Variants in DLGAP2 observed in about 807,000 individuals in gnomAD.
DLGAP2 encodes the protein DLG associated protein 2.
In DLGAP2, 26 loss-of-function variants were observed where a neutral mutation model predicts 100.3. The observed-to-expected ratio is 0.26, with a 90% CI of 0.19 to 0.36. The LOEUF is 0.36. DLGAP2 is among the 10% of genes least tolerant of loss of function. DLGAP2 has a pLI of 1.00. For missense variants in DLGAP2, 1,858 were observed against 1,453.2 expected (o/e 1.28, Z -4.53); for synonymous variants, 886 against 630.1 (o/e 1.41, Z -6.08).
In DLGAP2 at chr8:1,012,265, C is replaced by G. The variant is rs900367898; in HGVS notation, c.73+104299C>G. ...TGACAGGCTTAAATCCCCATCCCTT[C>G]GCTCTTCCTGTAGTCCTGTCTGTTG... On this transcript the variant is annotated intron_variant, in intron 2 of 14. Coordinates refer to ENST00000637795, the MANE Select transcript of DLGAP2 (RefSeq NM_001346810.2). Among the ~76,000 whole-genome samples, 7 of 152,354 alleles carry G rather than the reference C, an allele frequency of 4.6e-5. No homozygotes were observed. In the South Asian group the frequency reaches 1.0e-3, roughly 23 times the overall value.
intron 2 of DLGAP2, among the ~76,000 whole-genome samples, chr8:1,060,425 G>GTGGATAGATACCCT (rs1803044962): frequency 6.6e-6 from 1 of 151,674 alleles, no homozygotes; most frequent in African/African-American, 2.4e-5. Flanking sequence ...CTGTGTCCTT[G>GTGGATAGATACCCT]CTGTGTCCTT....
chr8:1,626,097 G>GAT (rs1797488116), intron 6 of DLGAP2, among the ~76,000 whole-genome samples: 1 of 145,386 alleles, frequency 6.9e-6, no homozygotes, highest in Admixed American at 6.8e-5. Context: ...TCAGCCTCTG[G>GAT]GTGTGGGTTG....
intron 2 of DLGAP2, among the ~76,000 whole-genome samples, chr8:1,206,895 GC>G (rs1421561308): frequency 6.6e-6 from 1 of 152,030 alleles, no homozygotes; most frequent in African/African-American, 2.4e-5. Context: ...TCCCCGGTCT[GC>G]CCCCGGCCCC....
At chr8:1,230,264 A>G (rs901823337) in intron 2 of DLGAP2, among the ~76,000 whole-genome samples, 1 of 152,226 alleles carries the variant, frequency 6.6e-6, no homozygotes. Context: ...CCTATTCTTA[A>G]TAGCTACAAA....
intron 3 of DLGAP2, among the ~76,000 whole-genome samples, chr8:1,323,456 G>A (rs1262600620): frequency 1.3e-5 from 2 of 152,214 alleles, no homozygotes; most frequent in South Asian, 4.1e-4. Context: ...GACAACCATG[G>A]CAAGGGAGCT....
chr8:1,302,334 C>T (rs1008088001), intron 3 of DLGAP2: 3 of 108,116 alleles, frequency 2.8e-5, no homozygotes, highest in Non-Finnish European at 3.5e-5. Flanking sequence ...CTGCTCCACA[C>T]CTGGGACCGG....
chr8:1,576,402 C>T (rs1248463661), intron 6 of DLGAP2, among the ~76,000 whole-genome samples: 1 of 151,948 alleles, frequency 6.6e-6, no homozygotes, highest in Admixed American at 6.6e-5. Context: ...CAAAAATTTT[C>T]TCCCATTCTG....
intron 1 of DLGAP2, among the ~76,000 whole-genome samples, chr8:906,418 G>C (rs1798382216): frequency 6.6e-6 from 1 of 152,206 alleles, no homozygotes; most frequent in Admixed American, 6.5e-5. Flanking sequence ...GCCTGGCCTT[G>C]ATCCCTGAGG....
intron 2 of DLGAP2, among the ~76,000 whole-genome samples, chr8:1,149,322 T>C (rs1796658715): frequency 1.3e-5 from 2 of 152,108 alleles, no homozygotes; most frequent in South Asian, 4.1e-4. Flanking sequence ...ATTTTTTTTG[T>C]ATTTTTAGTA....
At chr8:831,324 T>A (rs1796778939) in intron 1 of DLGAP2, among the ~76,000 whole-genome samples, 1 of 151,452 alleles carries the variant, frequency 6.6e-6, no homozygotes, top group South Asian at 2.1e-4. Context: ...CATCAACTCG[T>A]CATTTACATT....
intron 1 of DLGAP2, among the ~76,000 whole-genome samples, chr8:870,432 G>A (rs912890782): frequency 6.6e-6 from 1 of 152,130 alleles, no homozygotes; most frequent in South Asian, 2.1e-4. Flanking sequence ...CACTGCTTAT[G>A]TTAGTGGGTC....
intron 2 of DLGAP2, among the ~76,000 whole-genome samples, chr8:1,089,692 A>G (rs1206009567): frequency 1.3e-5 from 2 of 152,254 alleles, no homozygotes; most frequent in Admixed American, 6.5e-5. Context: ...TGCTGTGTTC[A>G]TGATTTTATC....
chr8:1,595,706 C>T (rs911213501), intron 6 of DLGAP2, among the ~76,000 whole-genome samples: 12 of 150,706 alleles, frequency 8.0e-5, no homozygotes, highest in Non-Finnish European at 1.5e-4. Flanking sequence ...TAGGTCATTC[C>T]GGAAGCCCCC....
intron 3 of DLGAP2, among the ~76,000 whole-genome samples, chr8:1,358,824 A>C (rs1266026498): frequency 6.6e-6 from 1 of 150,794 alleles, no homozygotes; most frequent in South Asian, 2.1e-4. Flanking sequence ...CACGTTTGTC[A>C]TCAGAGGCAG....
chr8:1,602,375 G>A (rs1252341233), intron 6 of DLGAP2, among the ~76,000 whole-genome samples: 1 of 152,184 alleles, frequency 6.6e-6, no homozygotes, highest in Non-Finnish European at 1.5e-5. Context: ...ATGCAGACAT[G>A]CTTTACAGCC....
chr8:1,059,080 G>A (rs982420226), intron 2 of DLGAP2, among the ~76,000 whole-genome samples: 1 of 152,140 alleles, frequency 6.6e-6, no homozygotes, highest in African/African-American at 2.4e-5. Context: ...TGTGTCCATG[G>A]GTAAACCTCA....
chr8:1,329,508 AGTGTGTGCAT>A (rs773810566), intron 3 of DLGAP2, among the ~76,000 whole-genome samples: 15 of 152,190 alleles, frequency 9.9e-5, no homozygotes, highest in South Asian at 4.1e-4. Flanking sequence ...TCATTTAGAG[AGTGTGTGCAT>A]GTGTGTGCAT....
chr8:917,608 G>T lies in DLGAP2; in HGVS notation c.73+9642G>T, dbSNP rs934525243. 4.0e-5 allele frequency among the ~76,000 whole-genome samples: 6 copies of T among 151,598 alleles called. No homozygotes were observed. The South Asian group carries it at 8.4e-4, about 21-fold the overall frequency. On this transcript the variant is annotated intron_variant, in intron 2 of 14. Transcript: ENST00000637795. ...ATTCTTTTGTTGTTGCTGAGACAGG[G>T]TCTCGCTCTGTTGCCAGGCTGGAGT...
At chr8:824,962 C>A (rs1035604976) in intron 1 of DLGAP2, among the ~76,000 whole-genome samples, 6 of 152,134 alleles carry the variant, frequency 3.9e-5, no homozygotes, top group Non-Finnish European at 7.4e-5. Flanking sequence ...TGAGAGGGGC[C>A]GCCCCACCTC....
Sources: gnomAD v4.1 joint callset for allele counts (sites outside exome capture counted in the v4.1 genomes callset) on GRCh38, gnomAD v4.1.1 for gene constraint, MANE v1.5 for transcripts, NCBI Gene and HGNC (gene_info 2026-07-23, HGNC 2026-07-21) for gene names.